The following BMAL1 variants were observed in gnomAD, a reference collection of about 807,000 sequenced individuals.
BMAL1 encodes the protein basic helix-loop-helix ARNT like 1, also known as basic helix-loop-helix ARNT-like protein 1.
chr11:13,378,626 A>G, the BMAL1 span: 7 of 746,340 alleles, frequency 9.4e-6, no homozygotes. Context: ...AACATCCTAC[A>G]GTAAACAGGA....
At chr11:13,373,468 C>G in the BMAL1 span, among the ~76,000 whole-genome samples, 1 of 152,280 alleles carries the variant, frequency 6.6e-6, no homozygotes, top group East Asian at 1.9e-4. Context: ...AAGCCTTGCA[C>G]TGAGGTTTAG....
chr11:13,380,227 T>C, the BMAL1 span: 1 of 152,206 alleles, frequency 6.6e-6, no homozygotes, highest in Non-Finnish European at 1.5e-5. Flanking sequence ...ATACATGATA[T>C]GTAGTTGTAA....
the BMAL1 span, among the ~76,000 whole-genome samples, chr11:13,377,209 A>G: frequency 1.3e-5 from 2 of 152,134 alleles, no homozygotes; most frequent in African/African-American, 4.8e-5. Flanking sequence ...GCATGGCTGC[A>G]GCCCCCATCG....
At chr11:13,380,957 G>C in the BMAL1 span, 1 of 545,442 alleles carries the variant, frequency 1.8e-6, no homozygotes, top group Non-Finnish European at 3.3e-6. Context: ...TCGTATCTGT[G>C]GCTGCTTTCA....
At chr11:13,364,504 C>T in the BMAL1 span, among the ~76,000 whole-genome samples, 4 of 152,160 alleles carry the variant, frequency 2.6e-5, no homozygotes, top group Non-Finnish European at 4.4e-5. Context: ...GATTAAGGAC[C>T]AGTGAATAAG....
At chr11:13,298,869 T>C in the BMAL1 span, among the ~76,000 whole-genome samples, 92 of 152,352 alleles carry the variant, frequency 6.0e-4, no homozygotes, top group African/African-American at 2.1e-3. Context: ...GCCTTCTCTG[T>C]CTGCTCGGCA....
chr11:13,314,965 ACT>A, the BMAL1 span, among the ~76,000 whole-genome samples: 1 of 151,530 alleles, frequency 6.6e-6, no homozygotes. Flanking sequence ...TAGCATATAA[ACT>A]CTCCTGTTTT....
At chr11:13,360,288 G>GA in the BMAL1 span, 1,073 of 1,510,714 alleles carry the variant, frequency 7.1e-4, 8 homozygotes, top group African/African-American at 0.013. Flanking sequence ...CAGCAAGTTA[G>GA]AATGAGACAT....
the BMAL1 span, among the ~76,000 whole-genome samples, chr11:13,369,421 AT>A: frequency 1.6e-4 from 25 of 152,298 alleles, no homozygotes; most frequent in African/African-American, 5.8e-4. Flanking sequence ...ACACTCTGTG[AT>A]TTATAAACAT....
chr11:13,381,390 G>C, the BMAL1 span: 1 of 805,804 alleles, frequency 1.2e-6, no homozygotes, highest in South Asian at 1.6e-5. Context: ...AAATGCATCT[G>C]TGTGAGGCTG....
the BMAL1 span, among the ~76,000 whole-genome samples, chr11:13,318,568 T>C: frequency 6.8e-6 from 1 of 147,658 alleles, no homozygotes; most frequent in Admixed American, 6.7e-5. Flanking sequence ...TTTTTTTTTT[T>C]TTCAGAATAA....
At chr11:13,375,815 G>A in the BMAL1 span, 31 of 1,486,904 alleles carry the variant, frequency 2.1e-5, no homozygotes, top group Non-Finnish European at 2.8e-5. Flanking sequence ...AGATGCCTAG[G>A]GTTCCTCATC....
the BMAL1 span, among the ~76,000 whole-genome samples, chr11:13,298,193 G>A: frequency 6.6e-6 from 1 of 152,214 alleles, no homozygotes; most frequent in Non-Finnish European, 1.5e-5. Context: ...AACTTGTGCA[G>A]CTGTACATGC....
the BMAL1 span, among the ~76,000 whole-genome samples, chr11:13,283,719 G>A: frequency 1.3e-5 from 2 of 152,134 alleles, no homozygotes; most frequent in African/African-American, 2.4e-5. Context: ...TTAGAGCGGA[G>A]CTGCCTGAAA....
the BMAL1 span, among the ~76,000 whole-genome samples, chr11:13,281,862 C>T: frequency 6.6e-6 from 1 of 152,198 alleles, no homozygotes; most frequent in African/African-American, 2.4e-5. Flanking sequence ...CCTTTCCTCT[C>T]TCAGCCTTTG....
chr11:13,324,570 G>T, the BMAL1 span, among the ~76,000 whole-genome samples: 1 of 152,050 alleles, frequency 6.6e-6, no homozygotes, highest in African/African-American at 2.4e-5. Flanking sequence ...GTCCTACCTC[G>T]CTTTGGTTTC....
At chr11:13,294,152 G>A in the BMAL1 span, among the ~76,000 whole-genome samples, 1 of 151,900 alleles carries the variant, frequency 6.6e-6, no homozygotes, top group Admixed American at 6.6e-5. Context: ...GGTTTGTATT[G>A]TTCATTTTGT....
the BMAL1 span, among the ~76,000 whole-genome samples, chr11:13,306,336 C>T: frequency 6.6e-6 from 1 of 152,064 alleles, no homozygotes; most frequent in African/African-American, 2.4e-5. Flanking sequence ...GAGGTCCTGG[C>T]CGTGACAGTA....
the BMAL1 span, among the ~76,000 whole-genome samples, chr11:13,299,490 TG>T: frequency 6.6e-6 from 1 of 151,938 alleles, no homozygotes; most frequent in African/African-American, 2.4e-5. Flanking sequence ...GTAGGTGCCT[TG>T]GGAGGCATGG....
Sources: allele counts gnomAD v4.1 joint callset (sites outside exome capture counted in the v4.1 genomes callset), GRCh38; gene constraint gnomAD v4.1.1; transcripts MANE v1.5; gene names NCBI Gene and HGNC (gene_info 2026-07-23, HGNC 2026-07-21).